Variants in CALN1 observed in about 807,000 individuals in gnomAD.
CALN1 encodes calcium-binding protein 8.
CALN1 carries 17 observed loss-of-function variants against 30.6 expected under a neutral mutation model. The observed-to-expected ratio is 0.56, with a 90% confidence interval of 0.38 to 0.83. CALN1 has a LOEUF of 0.83. CALN1 is among the 40% of genes least tolerant of loss of function. CALN1 has a pLI of 0.00. For missense variants in CALN1, 291 were observed against 354.9 expected, an observed-to-expected ratio of 0.82 and a Z score of 1.45; for synonymous variants, 156 against 131.4, an observed-to-expected ratio of 1.19 and a Z score of -1.28.
At chr7:72,175,951 T>TAA (rs547862285) in intron 3 of CALN1, among the ~76,000 whole-genome samples, 1 of 146,242 alleles carries the variant, frequency 6.8e-6, no homozygotes, top group Admixed American at 6.8e-5. Flanking sequence ...TGCACTAAAA[T>TAA]AAAAAAAAAA....
At chr7:72,109,550 T>C (rs1807413955) in intron 3 of CALN1, among the ~76,000 whole-genome samples, 1 of 152,198 alleles carries the variant, frequency 6.6e-6, no homozygotes, top group African/African-American at 2.4e-5. Context: ...AAGGCGTTTG[T>C]CTGCATTTTG....
At chr7:71,812,476 C>CAG (rs1255230229) in intron 5 of CALN1, among the ~76,000 whole-genome samples, 17 of 152,250 alleles carry the variant, frequency 1.1e-4, no homozygotes, top group African/African-American at 1.7e-4. Flanking sequence ...GGAGGACAGG[C>CAG]AGATATTGAA....
At position 72,268,698 on chromosome 7, in the gene CALN1, G is replaced by A. The variant is rs373341986; in HGVS notation, c.244+9988C>T. On this transcript the variant is annotated intron_variant, in intron 3 of 6. Coordinates refer to ENST00000395275, the MANE Select transcript of CALN1 (RefSeq NM_031468.4). ...TGTAGTCCTAGCTACTCGGGAGGCCGAGGCAGGAGAATCACTTCAGCCCAG... is the reference window on the plus strand; with the variant it reads ...TGTAGTCCTAGCTACTCGGGAGGCCAAGGCAGGAGAATCACTTCAGCCCAG... 3.8e-4 allele frequency among the ~76,000 whole-genome samples: 57 copies of A among 151,940 alleles called. 1 individual carries two copies. The East Asian group carries it at 7.6e-3, about 20-fold the overall frequency.
chr7:72,281,994 C>T (rs1797761971), intron 2 of CALN1, among the ~76,000 whole-genome samples: 2 of 152,124 alleles, frequency 1.3e-5, no homozygotes, highest in South Asian at 2.1e-4. Context: ...TTAGTCTCTG[C>T]ATTCAAAAAG....
At chr7:71,829,055 AT>A (rs1328651908) in intron 5 of CALN1, among the ~76,000 whole-genome samples, 7 of 151,954 alleles carry the variant, frequency 4.6e-5, no homozygotes, top group African/African-American at 1.7e-4. Flanking sequence ...ACATATATTG[AT>A]TGATATCTCA....
At chr7:72,218,382 A>C (rs1360786334) in intron 3 of CALN1, among the ~76,000 whole-genome samples, 2 of 152,002 alleles carry the variant, frequency 1.3e-5, no homozygotes, top group African/African-American at 4.8e-5. Flanking sequence ...CAGCAGGAGG[A>C]GGTTGCAGTG....
chr7:72,307,940 C>A (rs1799761885), intron 2 of CALN1, among the ~76,000 whole-genome samples: 1 of 151,980 alleles, frequency 6.6e-6, no homozygotes, highest in African/African-American at 2.4e-5. Flanking sequence ...AGGGTGAGTT[C>A]ACCAGAAGGA....
chr7:72,381,376 T>C (rs1406735670), intron 2 of CALN1, among the ~76,000 whole-genome samples: 2 of 152,150 alleles, frequency 1.3e-5, no homozygotes, highest in African/African-American at 2.4e-5. Context: ...ACTATAAAGA[T>C]ACATGCACAT....
At chr7:71,787,951 A>G (rs747154964) in intron 6 of CALN1, 49 bp from the exon 7 acceptor site, 1 of 1,610,796 alleles carries the variant, frequency 6.2e-7, no homozygotes, top group South Asian at 1.1e-5. Flanking sequence ...GGGTTGGGAG[A>G]AGAGAGAAGA....
chr7:72,301,107 C>T (rs1240190692), intron 2 of CALN1, among the ~76,000 whole-genome samples: 3 of 152,098 alleles, frequency 2.0e-5, no homozygotes, highest in East Asian at 1.9e-4. Context: ...TCTTTACAGA[C>T]GTAATTGGGC....
intron 3 of CALN1, among the ~76,000 whole-genome samples, chr7:72,216,979 A>G (rs1284794950): frequency 6.6e-6 from 1 of 152,078 alleles, no homozygotes; most frequent in Non-Finnish European, 1.5e-5. Context: ...CCTGGGCTCA[A>G]GTGATCCTCT....
At chr7:71,887,369 T>A (rs887798386) in intron 5 of CALN1, among the ~76,000 whole-genome samples, 2 of 152,168 alleles carry the variant, frequency 1.3e-5, no homozygotes, top group Non-Finnish European at 2.9e-5. Flanking sequence ...AATCTCGGCT[T>A]ACCGCAACCT....
At chr7:71,838,272 A>T (rs1789738093) in intron 5 of CALN1, among the ~76,000 whole-genome samples, 1 of 152,236 alleles carries the variant, frequency 6.6e-6, no homozygotes, top group African/African-American at 2.4e-5. Flanking sequence ...GCAGGCTTGT[A>T]GTTAAGAGAT....
At chr7:71,850,410 G>A (rs185134565) in intron 5 of CALN1, among the ~76,000 whole-genome samples, 1 of 152,212 alleles carries the variant, frequency 6.6e-6, no homozygotes, top group Non-Finnish European at 1.5e-5. Flanking sequence ...TAGAGATGGG[G>A]TTTTGCCATG....
intron 1 of CALN1, among the ~76,000 whole-genome samples, chr7:72,409,984 G>A (rs1191952201): frequency 6.6e-6 from 1 of 152,178 alleles, no homozygotes; most frequent in African/African-American, 2.4e-5. Context: ...CTGCAAAGAT[G>A]CACCACATTT....
intron 3 of CALN1, among the ~76,000 whole-genome samples, chr7:72,198,866 G>C (rs1198556456): frequency 6.6e-6 from 1 of 152,212 alleles, no homozygotes; most frequent in African/African-American, 2.4e-5. Flanking sequence ...CCAGAGAAAA[G>C]CACTGAGGAG....
intron 1 of CALN1, among the ~76,000 whole-genome samples, chr7:72,408,134 G>A (rs376806142): frequency 5.3e-5 from 8 of 151,816 alleles, no homozygotes; most frequent in African/African-American, 1.5e-4. Context: ...CCATATTGAC[G>A]TTAAAAACAA....
intron 5 of CALN1, among the ~76,000 whole-genome samples, chr7:71,964,587 C>T (rs890742554): frequency 1.3e-5 from 2 of 151,846 alleles, no homozygotes; most frequent in African/African-American, 2.4e-5. Flanking sequence ...AAAGAACAAC[C>T]GGCTGGGCGC....
intron 5 of CALN1, among the ~76,000 whole-genome samples, chr7:71,833,011 A>G (rs1002120917): frequency 3.3e-5 from 5 of 152,200 alleles, no homozygotes; most frequent in African/African-American, 1.2e-4. Context: ...TGCTCTATGC[A>G]ACAGGCTTTC....
Sources: gnomAD v4.1 joint callset for allele counts (sites outside exome capture counted in the v4.1 genomes callset) on GRCh38, gnomAD v4.1.1 for gene constraint, MANE v1.5 for transcripts, NCBI Gene and HGNC (gene_info 2026-07-23, HGNC 2026-07-21) for gene names.